UNC79: variants seen among roughly 807,000 people sequenced by gnomAD.
UNC79 encodes the protein unc-79 subunit of NALCN channel complex.
UNC79 carries 37 observed loss-of-function variants against 283.1 expected under a neutral mutation model. That is an observed-to-expected ratio of 0.13 (90% confidence interval 0.10 to 0.17). UNC79 has a LOEUF of 0.17. Ranked by LOEUF, UNC79 falls within the 10% of genes least tolerant of loss-of-function variation. The pLI, the probability that UNC79 is intolerant of heterozygous loss-of-function variation, is 1.00. For synonymous variants in UNC79, 1,107 were observed against 1,200.2 expected (o/e 0.92, Z 1.61); for missense variants, 2,272 against 3,211.1 (o/e 0.71, Z 7.07).
chr14:93,556,696 A>C (rs74244734), intron 14 of UNC79, among the ~76,000 whole-genome samples: 49 of 141,448 alleles, frequency 3.5e-4, no homozygotes, highest in Middle Eastern at 7.4e-3. Context: ...AAAAAAAAAA[A>C]CCCAAAAACC....
chr14:93,493,899 ATATTTT>A (rs1392482664), intron 5 of UNC79, among the ~76,000 whole-genome samples: 365 of 60,256 alleles, frequency 6.1e-3, no homozygotes, highest in Middle Eastern at 0.017. Context: ...ATATATATAT[ATATTTT>A]TTTTTTTTTT....
chr14:93,623,134 CAGGTA>C (rs2067267288), intron 30 of UNC79, among the ~76,000 whole-genome samples: 1 of 152,208 alleles, frequency 6.6e-6, no homozygotes, highest in Non-Finnish European at 1.5e-5. Flanking sequence ...CAGGATAATC[CAGGTA>C]TCATCTCAGC....
intron 27 of UNC79, among the ~76,000 whole-genome samples, chr14:93,616,679 C>T (rs1596087573): frequency 6.6e-6 from 1 of 152,048 alleles, no homozygotes; most frequent in South Asian, 2.1e-4. Context: ...TTTTCTTATT[C>T]CTGAATATAT....
At chr14:93,427,659 T>A (rs977385049), upstream of UNC79, among the ~76,000 whole-genome samples, 29 of 139,002 alleles carry the variant, frequency 2.1e-4, no homozygotes, top group Non-Finnish European at 4.4e-4. Context: ...AGAAGCAGAT[T>A]TTTTTTTTTG....
chr14:93,418,094 T>C (rs1164685309), intron 1 of UNC79, among the ~76,000 whole-genome samples: 1 of 151,864 alleles, frequency 6.6e-6, no homozygotes, highest in African/African-American at 2.4e-5. Flanking sequence ...GGAGAGGTGC[T>C]CTGCTTTTTA....
At chr14:93,615,762 GAAAAGAAA>G (rs905119845) in intron 27 of UNC79, among the ~76,000 whole-genome samples, 1 of 110,918 alleles carries the variant, frequency 9.0e-6, no homozygotes, top group South Asian at 3.1e-4. Flanking sequence ...AAGAAAAGAA[GAAAAGAAA>G]AAAAGAAATA....
intron 1 of UNC79, among the ~76,000 whole-genome samples, chr14:93,443,722 T>G (rs541225251): frequency 1.9e-4 from 29 of 152,288 alleles, no homozygotes; most frequent in Admixed American, 1.7e-3. Context: ...GGCACCTGGC[T>G]TCTGTCTAAC....
chr14:93,593,821 G>A (rs780253918), exon 23 of UNC79: 1 of 1,613,700 alleles, frequency 6.2e-7, no homozygotes, highest in South Asian at 1.1e-5. Context: ...AAGACTGGAA[G>A]ATGAGGTTTG....
rs1253166268 is a variant in UNC79, at chr14:93,347,241, C to T, written c.-351+13718C>T. The T allele has an allele frequency of 6.9e-6, 11 of 1,583,086 alleles. No homozygotes were observed. In the East Asian group the frequency reaches 1.1e-4, roughly 16 times the overall value. On this transcript the variant is annotated intron_variant, in intron 1 of 49. Coordinates refer to the UNC79 transcript ENST00000256339. ...GGCCTCACCTCACCTGTGCTGTCCA[C>T]GCCTGGCTTTGTCTCACCTGACGCG...
At chr14:93,667,192 G>GGGAAGGAA (rs1409695952) in intron 40 of UNC79, among the ~76,000 whole-genome samples, 1 of 148,022 alleles carries the variant, frequency 6.8e-6, no homozygotes, top group African/African-American at 2.6e-5. Flanking sequence ...GAGAGAAGGA[G>GGGAAGGAA]GGAAGGAAGG....
intron 1 of UNC79, among the ~76,000 whole-genome samples, chr14:93,364,251 C>A (rs113876698): frequency 2.6e-4 from 39 of 152,168 alleles, no homozygotes; most frequent in African/African-American, 9.4e-4. Flanking sequence ...GTGCCCTCTT[C>A]TATTCATTAG....
chr14:93,685,481 ACT>A (rs1230143918), intron 42 of UNC79, among the ~76,000 whole-genome samples: 13 of 152,314 alleles, frequency 8.5e-5, no homozygotes, highest in South Asian at 4.1e-4. Context: ...CTTGGAAAAC[ACT>A]CTGACAGACT....
intron 1 of UNC79, among the ~76,000 whole-genome samples, chr14:93,463,575 C>T (rs1312535430): frequency 6.6e-6 from 1 of 151,968 alleles, no homozygotes; most frequent in Non-Finnish European, 1.5e-5. Context: ...ATGGAGAGCC[C>T]CAGTGAATGC....
chr14:93,476,209 G>A (rs2057790793), intron 3 of UNC79, among the ~76,000 whole-genome samples: 1 of 152,160 alleles, frequency 6.6e-6, no homozygotes, highest in Non-Finnish European at 1.5e-5. Context: ...GCTGTGTCTT[G>A]CTGCTGGGTC....
At chr14:93,470,228 A>G (rs1041659448) in intron 2 of UNC79, among the ~76,000 whole-genome samples, 2 of 152,150 alleles carry the variant, frequency 1.3e-5, no homozygotes, top group Admixed American at 6.5e-5. Flanking sequence ...CACTTGAGTC[A>G]GGGTTGCATT....
intron 1 of UNC79, among the ~76,000 whole-genome samples, chr14:93,447,357 G>A (rs904147233): frequency 3.6e-4 from 55 of 151,966 alleles, no homozygotes; most frequent in African/African-American, 1.1e-3. Flanking sequence ...AGTTAATAAC[G>A]TACTACCTTA....
chr14:93,498,835 G>C (rs1405965047), intron 7 of UNC79, among the ~76,000 whole-genome samples: 1 of 152,024 alleles, frequency 6.6e-6, no homozygotes. Flanking sequence ...TGATGCCCTT[G>C]TTCACCTTTT....
rs114931368 is a variant in UNC79, at chr14:93,493,071, T to C, written c.713-3340T>C. On this transcript the variant is annotated intron_variant, in intron 5 of 48. Transcript: ENST00000555664. Reference sequence around the variant, plus strand: ...TGTGACAAGTGCTTCAAGTATGTTATACTATAAGATGTTATAAAAGGAAAT... The same window carrying C: ...TGTGACAAGTGCTTCAAGTATGTTACACTATAAGATGTTATAAAAGGAAAT... Among the ~76,000 whole-genome samples the C allele has an allele frequency of 4.2e-3, 633 of 152,330 alleles. 7 individuals carry two copies. The highest frequency in any genetic ancestry group is 0.015 in the African/African-American group (604 of 41,558).
chr14:93,407,373 T>C (rs2055247295), intron 1 of UNC79, among the ~76,000 whole-genome samples: 1 of 152,118 alleles, frequency 6.6e-6, no homozygotes, highest in Non-Finnish European at 1.5e-5. Context: ...AAACAATAAT[T>C]GACACATTGC....
Sources: gnomAD v4.1 joint callset for allele counts (sites outside exome capture counted in the v4.1 genomes callset) on GRCh38, gnomAD v4.1.1 for gene constraint, MANE v1.5 for transcripts, NCBI Gene and HGNC (gene_info 2026-07-23, HGNC 2026-07-21) for gene names.